The following ANKS3 variants were observed in gnomAD, a reference collection of about 807,000 sequenced individuals.
The protein encoded by ANKS3 is ankyrin repeat and sterile alpha motif domain containing 3.
In ANKS3, 62 loss-of-function variants were observed where a neutral mutation model predicts 80.7. The ratio of observed to expected loss-of-function variants is 0.77; its 90% confidence interval spans 0.63 to 0.95. The LOEUF (loss-of-function observed/expected upper bound fraction) is 0.95, where lower values mean the gene tolerates loss of function less well. ANKS3 is among the 40% of genes least tolerant of loss of function. ANKS3 has a pLI of 0.00. For synonymous variants in ANKS3, 489 were observed against 355.3 expected (o/e 1.38, Z -4.23); for missense variants, 1,150 against 883.6 (o/e 1.30, Z -3.82).
Position 4,705,127 on chromosome 16 carries a change from C to T in ANKS3, c.836G>A (p.Gly279Asp). The part of the protein sequence containing the change: ...PRALARITGI[G>D]LGGRAPRPRY... ...AGGCCGTGGGGCTCTGCCGCCCAGGCCAATGCCTGTGATCCTGGCCAGGGC... is the reference window on the plus strand; with the variant it reads ...AGGCCGTGGGGCTCTGCCGCCCAGGTCAATGCCTGTGATCCTGGCCAGGGC... The change falls in exon 8 of 18, where the codon GGC (glycine) becomes GAC (aspartate). Residue 279 changes from glycine (G) to aspartate (D), a missense_variant. Transcript: ENST00000304283. 2 of 1,613,218 alleles carry T rather than the reference C, an allele frequency of 1.2e-6. No individual in the cohort carries two copies. Among genetic ancestry groups the T allele is most frequent in the Non-Finnish European group, 1.7e-6 (2 of 1,180,038 alleles).
chr16:4,725,488 G>C (rs1470859473), intron 5 of ANKS3, among the ~76,000 whole-genome samples: 2 of 152,170 alleles, frequency 1.3e-5, no homozygotes, highest in African/African-American at 4.8e-5. Context: ...ATGTTAATTA[G>C]TAGCATATTT....
intron 2 of ANKS3, 108 bp from the exon 3 acceptor site, chr16:4,730,259 C>G: frequency 8.8e-7 from 1 of 1,131,716 alleles, no homozygotes; most frequent in Non-Finnish European, 1.2e-6. Flanking sequence ...ACTGATAACC[C>G]AGTGCAGTCA....
intron 7 of ANKS3, among the ~76,000 whole-genome samples, chr16:4,707,959 A>G (rs1176919801): frequency 6.6e-6 from 1 of 152,058 alleles, no homozygotes; most frequent in Non-Finnish European, 1.5e-5. Context: ...AAAAATACAA[A>G]AAAAAATGAG....
At chr16:4,698,234 C>G in intron 14 of ANKS3, 172 bp from the exon 15 acceptor site, 1 of 1,113,926 alleles carries the variant, frequency 9.0e-7, no homozygotes, top group African/African-American at 1.6e-5. Flanking sequence ...GCGACCGGTG[C>G]AGATTCCCGG....
At position 4,701,539 on chromosome 16, in the gene ANKS3, T is replaced by C; in HGVS notation, c.1014A>G (p.Glu338=). 1 of 1,608,660 alleles carries C rather than the reference T, an allele frequency of 6.2e-7. No homozygotes were observed. The highest frequency in any genetic ancestry group is 8.5e-7 in the Non-Finnish European group (1 of 1,177,084). Residue 338 remains glutamate (E), a synonymous_variant, in exon 10 of 18, where the codon GAA becomes GAG. Coordinates refer to ENST00000304283, the MANE Select transcript of ANKS3 (RefSeq NM_133450.4). ...ESSSSSSSRE[E]HAFCANLGPV... The stretch of plus-strand genomic sequence containing the variant: ...GCCCCAGGTTGGCACAGAAAGCATG[T>C]TCCTCTGAGGGCGGGAAGACAGGGC...
At chr16:4,727,383 G>A (rs757129182) in intron 3 of ANKS3, 39 of 611,898 alleles carry the variant, frequency 6.4e-5, no homozygotes, top group South Asian at 9.7e-5. Context: ...CTGAGCCTTC[G>A]TCTCCTTGCT....
In ANKS3 at chr16:4,721,727, C is replaced by T. The variant is rs192482284; in HGVS notation, c.573+3023G>A. 2.4e-3 allele frequency among the ~76,000 whole-genome samples: 365 copies of T among 151,294 alleles called. 12 individuals are homozygous for T. The highest frequency in any genetic ancestry group is 5.8e-3 in the Admixed American group (88 of 15,072). ...CATCTTGGCTCATCGCAACCTCTGC[C>T]TCCCAGGTTCAAGTGATTCTCCTGT... On this transcript the variant is annotated intron_variant, in intron 6 of 17. Transcript: ENST00000304283.
chr16:4,716,983 G>A (rs997735515), intron 6 of ANKS3, among the ~76,000 whole-genome samples: 1 of 152,072 alleles, frequency 6.6e-6, no homozygotes, highest in African/African-American at 2.4e-5. Flanking sequence ...TGTAATCCCA[G>A]CACTTTGGTA....
chr16:4,731,045 G>C (rs2081589888), intron 2 of ANKS3, among the ~76,000 whole-genome samples: 1 of 152,126 alleles, frequency 6.6e-6, no homozygotes, highest in South Asian at 2.1e-4. Flanking sequence ...GGATCCAACA[G>C]TTGACATGCA....
intron 6 of ANKS3, among the ~76,000 whole-genome samples, chr16:4,722,107 C>A (rs887894616): frequency 6.6e-6 from 1 of 151,246 alleles, no homozygotes; most frequent in Non-Finnish European, 1.5e-5. Context: ...GACAGGCCTG[C>A]GGTGCACCCA....
chr16:4,712,311 C>T (rs1315443677), intron 7 of ANKS3, among the ~76,000 whole-genome samples: 1 of 152,038 alleles, frequency 6.6e-6, no homozygotes, highest in African/African-American at 2.4e-5. Context: ...GCGGAGGTTG[C>T]GGAGGTTGCA....
chr16:4,698,581 C>T lies in ANKS3; in HGVS notation c.1570G>A (p.Ala524Thr). 6.4e-7 allele frequency: 1 copy of T among 1,570,044 alleles called. No individual in the cohort carries two copies. The highest frequency in any genetic ancestry group is 2.3e-4 in the Middle Eastern group (1 of 4,396). The change falls in exon 14 of 18, where the codon GCC (alanine) becomes ACC (threonine). Residue 524 changes from alanine to threonine, a missense_variant. By Grantham distance (58) the Ala-to-Thr change is moderately conservative (BLOSUM62 0). Transcript: ENST00000304283. ...TCCTGACACACCTGGCCCCGCGTGGCCTCTACCTCCTCGCAGCGCTGCAGG... is the reference window on the plus strand; with the variant it reads ...TCCTGACACACCTGGCCCCGCGTGGTCTCTACCTCCTCGCAGCGCTGCAGG... ...QLHKRCEEVE[A>T]TRGQVCQEQE...
At position 4,705,209 on chromosome 16, in the gene ANKS3, G is replaced by A. The variant is rs751325308; in HGVS notation, c.754C>T (p.Pro252Ser). ...LSSSDESCPAPQRQRPCRKKG... is the reference protein window; with the variant it reads ...LSSSDESCPASQRQRPCRKKG... ...TTCCGGCAAGGCCTCTGTCTCTGAG[G>A]AGCAGGGCAGGACTCGTCAGAAGAG... Residue 252 changes from proline (P) to serine (S), a missense_variant, in exon 8 of 18, where the codon CCT becomes TCT. Coordinates refer to ENST00000304283, the MANE Select transcript of ANKS3 (RefSeq NM_133450.4). The A allele has an allele frequency of 1.9e-5, 31 of 1,613,944 alleles. No individual in the cohort carries two copies. Among genetic ancestry groups the A allele is most frequent in the Non-Finnish European group, 2.2e-5 (26 of 1,180,054 alleles).
chr16:4,722,820 A>G (rs2081171070), intron 6 of ANKS3, among the ~76,000 whole-genome samples: 2 of 151,220 alleles, frequency 1.3e-5, no homozygotes, highest in South Asian at 4.2e-4. Context: ...CGGGAGGCTG[A>G]GGCAGAAGAA....
intron 3 of ANKS3, 131 bp downstream of exon 3, chr16:4,729,849 C>T: frequency 1.1e-6 from 1 of 929,560 alleles, no homozygotes; most frequent in Non-Finnish European, 1.5e-6. Context: ...TGACAGCTGC[C>T]TGAGATAAGC....
intron 5 of ANKS3, among the ~76,000 whole-genome samples, chr16:4,726,178 A>G (rs1055425683): frequency 2.0e-5 from 3 of 151,444 alleles, no homozygotes; most frequent in African/African-American, 4.9e-5. Context: ...GGGTTTCACC[A>G]TGTTAGCCAG....
chr16:4,700,712 G>C (rs1206554887), intron 11 of ANKS3: 1 of 614,934 alleles, frequency 1.6e-6, no homozygotes, highest in Non-Finnish European at 3.0e-6. Flanking sequence ...CTTCTCCCCA[G>C]GCTCAGGGAG....
In ANKS3 at chr16:4,697,975, A is replaced by C; in HGVS notation, c.1810+2T>G. ...AGTGCGGAGTCAGGCCACTGCTCTT[A>C]CCAGCTGGGGGGACGGCTAGGCCCA... On this transcript the variant is annotated splice_donor_variant, in intron 15 of 17. Transcript: ENST00000304283. LOFTEE classifies it high-confidence loss of function. 6.3e-7 allele frequency: 1 copy of C among 1,584,824 alleles called. No individual in the cohort carries two copies. The highest frequency in any genetic ancestry group is 8.6e-7 in the Non-Finnish European group (1 of 1,166,712).
Position 4,711,671 on chromosome 16 carries a change from T to C in ANKS3, c.709+2380A>G, listed in dbSNP as rs917835922. Among the ~76,000 whole-genome samples, 5 of 140,660 alleles carry C rather than the reference T, an allele frequency of 3.6e-5. No homozygotes were observed. The Admixed American group carries it at 3.8e-4, about 11-fold the overall frequency. 92.3% of individuals were successfully genotyped at this position (140,660 alleles called of 152,430 possible). The stretch of plus-strand genomic sequence containing the variant: ...AGGCAGAGGTTGCGGTGAGTCAAGA[T>C]CGAGCCACTGCACTCCAGCCTGGGG... On this transcript the variant is annotated intron_variant, in intron 7 of 17. Coordinates refer to ENST00000304283, the MANE Select transcript of ANKS3 (RefSeq NM_133450.4).
Sources: allele counts gnomAD v4.1 joint callset (sites outside exome capture counted in the v4.1 genomes callset), GRCh38; gene constraint gnomAD v4.1.1; transcripts MANE v1.5; gene names NCBI Gene and HGNC (gene_info 2026-07-23, HGNC 2026-07-21).